The following ADAMTS17 variants were observed in gnomAD, a reference collection of about 807,000 sequenced individuals.
The protein encoded by ADAMTS17 is ADAM metallopeptidase with thrombospondin type 1 motif 17.
A neutral mutation model predicts 141.5 loss-of-function variants in ADAMTS17; 113 were observed. The observed-to-expected ratio is 0.80, with a 90% CI of 0.69 to 0.93. The LOEUF (loss-of-function observed/expected upper bound fraction) is 0.93. Ranked by LOEUF, ADAMTS17 falls within the 40% of genes least tolerant of loss-of-function variation. ADAMTS17 has a pLI of 0.00. For missense variants in ADAMTS17, 1,659 were observed against 1,517.9 expected (o/e 1.09, Z -1.54); for synonymous variants, 768 against 630.6 (o/e 1.22, Z -3.27).
At chr15:100,098,346 A>C (rs924096556) in intron 14 of ADAMTS17, among the ~76,000 whole-genome samples, 2 of 152,108 alleles carry the variant, frequency 1.3e-5, no homozygotes, top group Non-Finnish European at 2.9e-5. Flanking sequence ...CAAGTTGCTC[A>C]GTATAAAGAT....
intron 20 of ADAMTS17, among the ~76,000 whole-genome samples, chr15:99,991,901 TC>T (rs1437811788): frequency 6.6e-6 from 1 of 152,024 alleles, no homozygotes; most frequent in African/African-American, 2.4e-5. Flanking sequence ...AAACCATCAT[TC>T]TCAGCAAACT....
intron 14 of ADAMTS17, among the ~76,000 whole-genome samples, chr15:100,097,071 G>A (rs1400233501): frequency 5.9e-5 from 9 of 152,218 alleles, no homozygotes; most frequent in African/African-American, 1.7e-4. Context: ...AACAAGGCAC[G>A]TCTGAGAGCA....
intron 7 of ADAMTS17, among the ~76,000 whole-genome samples, chr15:100,224,229 C>T (rs144834539): frequency 3.2e-4 from 49 of 152,154 alleles, no homozygotes; most frequent in Admixed American, 7.8e-4. Flanking sequence ...TGGGGATGTC[C>T]ACACTGCCCA....
intron 7 of ADAMTS17, among the ~76,000 whole-genome samples, chr15:100,237,680 A>G (rs2042701620): frequency 6.6e-6 from 1 of 152,106 alleles, no homozygotes; most frequent in Non-Finnish European, 1.5e-5. Flanking sequence ...CTGGAGTGCA[A>G]TGGTGCAATC....
chr15:100,033,797 C>T (rs2030427760), intron 18 of ADAMTS17, among the ~76,000 whole-genome samples: 1 of 152,132 alleles, frequency 6.6e-6, no homozygotes, highest in South Asian at 2.1e-4. Flanking sequence ...AGCTACTCCA[C>T]ATTCTTTCTA....
chr15:100,010,744 C>T (rs997725395), intron 18 of ADAMTS17, among the ~76,000 whole-genome samples: 1 of 152,206 alleles, frequency 6.6e-6, no homozygotes, highest in Non-Finnish European at 1.5e-5. Flanking sequence ...GAACAGATGT[C>T]TGCAAAGGAG....
rs1160687683 is a variant in ADAMTS17, at chr15:100,163,018, CTA to C, written c.1182-7700_1182-7699del. ...TATATGTATATATGTGTATATATAA[CTA>C]TATATGTATATATATGTGTATATAT... On this transcript the variant is annotated intron_variant, in intron 8 of 21. Coordinates refer to ENST00000268070, the MANE Select transcript of ADAMTS17 (RefSeq NM_139057.4). 3.5e-5 allele frequency among the ~76,000 whole-genome samples: 5 copies of C among 140,850 alleles called. No individual in the cohort carries two copies. The East Asian group carries it at 6.1e-4, about 17-fold the overall frequency. 92.4% of individuals were successfully genotyped at this position (140,850 alleles called of 152,430 possible).
At chr15:100,294,865 A>G (rs1178097884) in intron 3 of ADAMTS17, among the ~76,000 whole-genome samples, 1 of 152,232 alleles carries the variant, frequency 6.6e-6, no homozygotes, top group Non-Finnish European at 1.5e-5. Context: ...GACATTTTAC[A>G]TAGGTGGGGA....
At chr15:99,978,265 C>T (rs1179903692) in intron 20 of ADAMTS17, among the ~76,000 whole-genome samples, 1 of 152,198 alleles carries the variant, frequency 6.6e-6, no homozygotes, top group African/African-American at 2.4e-5. Context: ...GTGGATTCCT[C>T]AGCTTCCTTG....
At chr15:100,139,065 A>C (rs898275773) in intron 10 of ADAMTS17, among the ~76,000 whole-genome samples, 3 of 152,164 alleles carry the variant, frequency 2.0e-5, no homozygotes, top group African/African-American at 7.2e-5. Context: ...GTCAAATTTC[A>C]AAGACTGGGC....
intron 7 of ADAMTS17, among the ~76,000 whole-genome samples, chr15:100,237,437 T>C (rs1231851561): frequency 1.3e-5 from 2 of 152,062 alleles, no homozygotes; most frequent in African/African-American, 4.8e-5. Flanking sequence ...CCCTAGGAGA[T>C]CCACACGACG....
At chr15:100,289,329 T>C (rs1339048562) in intron 3 of ADAMTS17, among the ~76,000 whole-genome samples, 2 of 152,016 alleles carry the variant, frequency 1.3e-5, no homozygotes, top group South Asian at 2.1e-4. Context: ...AGTTCCAAAA[T>C]TGAATCAGTA....
At chr15:100,152,896 G>GTCTGTGTGTCCAGTGCCTGC in intron 9 of ADAMTS17, 134 bp from the exon 10 acceptor site, 1 of 818,190 alleles carries the variant, frequency 1.2e-6, no homozygotes, top group Non-Finnish European at 1.6e-6. Context: ...AAAGGACGCA[G>GTCTGTGTGTCCAGTGCCTGC]GCACTGGACA....
chr15:100,141,066 C>T (rs56201742), intron 10 of ADAMTS17, among the ~76,000 whole-genome samples: 50,576 of 152,100 alleles, frequency 0.33, 8,686 homozygotes, highest in East Asian at 0.35. Flanking sequence ...AGTCACAGTC[C>T]GTGCACATGG....
chr15:100,319,894 C>T (rs576195233), intron 3 of ADAMTS17, among the ~76,000 whole-genome samples: 1 of 152,200 alleles, frequency 6.6e-6, no homozygotes, highest in African/African-American at 2.4e-5. Context: ...CCTGCCACTG[C>T]ACTCCAGCCT....
intron 3 of ADAMTS17, among the ~76,000 whole-genome samples, chr15:100,320,626 A>G (rs1442408408): frequency 6.6e-6 from 1 of 152,218 alleles, no homozygotes; most frequent in Non-Finnish European, 1.5e-5. Context: ...TAGTTCCAGG[A>G]GATGGCGACC....
intron 15 of ADAMTS17, among the ~76,000 whole-genome samples, chr15:100,061,313 C>T (rs2033104294): frequency 6.6e-6 from 1 of 152,184 alleles, no homozygotes; most frequent in African/African-American, 2.4e-5. Context: ...GAAGCTTCAG[C>T]TTGCCCCTCT....
At chr15:100,073,773 G>T (rs1017661607) in intron 15 of ADAMTS17, among the ~76,000 whole-genome samples, 1 of 13,436 alleles carries the variant, frequency 7.4e-5, no homozygotes, top group Non-Finnish European at 5.8e-4. Flanking sequence ...TGGGGTGGGG[G>T]GAGGGGGGGA....
chr15:99,996,550 T>A (rs1431238605), intron 19 of ADAMTS17, among the ~76,000 whole-genome samples: 1 of 152,236 alleles, frequency 6.6e-6, no homozygotes, highest in Non-Finnish European at 1.5e-5. Context: ...CATGCCAAGA[T>A]CTGTTTGAAA....
Sources: gnomAD v4.1 joint callset for allele counts (sites outside exome capture counted in the v4.1 genomes callset) on GRCh38, gnomAD v4.1.1 for gene constraint, MANE v1.5 for transcripts, NCBI Gene and HGNC (gene_info 2026-07-23, HGNC 2026-07-21) for gene names.